LRP5: variants seen among roughly 807,000 people sequenced by gnomAD.
LRP5 encodes low-density lipoprotein receptor-related protein 5.
In LRP5, 62 loss-of-function variants were observed where a neutral mutation model predicts 154.1. That is an observed-to-expected ratio of 0.40 (90% CI 0.33 to 0.50). The LOEUF (loss-of-function observed/expected upper bound fraction) is 0.50, where lower values mean the gene tolerates loss of function less well. Ranked by LOEUF, LRP5 falls within the 20% of genes least tolerant of loss-of-function variation. The probability of loss-of-function intolerance (pLI) is 0.55; values close to 1 mark genes in which losing one functional copy is unlikely to be tolerated. For missense variants in LRP5, 1,915 were observed against 2,336.7 expected, an observed-to-expected ratio of 0.82 and a Z score of 3.72; for synonymous variants, 966 against 1,011.5, an observed-to-expected ratio of 0.96 and a Z score of 0.85.
rs1240909518 is a variant in LRP5, at chr11:68,413,299, C to T, written c.2504-390C>T. On this transcript the variant is annotated intron_variant, in intron 11 of 22. Transcript: ENST00000294304. This position sits in a 1 kb window ranked among gnomAD's most constrained non-coding sequence, Gnocchi z 5.1. ...TGTGCATTGCAGCCTGGCCGTCACT[C>T]CTCGGTACGTGTTTTGGACTTAAAC... is the stretch of plus-strand genomic sequence containing the variant. The T allele has an allele frequency of 5.3e-6, 2 of 374,508 alleles. No individual in the cohort carries two copies. Among genetic ancestry groups the T allele is most frequent in the Non-Finnish European group, 1.0e-5 (2 of 198,830 alleles). The allele number at this position is 374,508 out of a possible 1,614,324, so 23.2% of individuals were successfully genotyped here. A position where few individuals can be genotyped will look rare whatever the true frequency, so the allele number is the denominator to read the frequency against.
intron 2 of LRP5, among the ~76,000 whole-genome samples, chr11:68,355,692 A>G (rs1429275064): frequency 1.3e-5 from 2 of 152,124 alleles, no homozygotes; most frequent in Non-Finnish European, 2.9e-5. Flanking sequence ...TTGGCCAGAG[A>G]TCACGTAAGG....
chr11:68,299,946 A>G, the LRP5 span, among the ~76,000 whole-genome samples: 288 of 146,968 alleles, frequency 2.0e-3, 24 homozygotes, highest in Non-Finnish European at 3.4e-3. Context: ...TTGCCAGGTT[A>G]GAGTGGAGTG....
chr11:68,410,090 G>T lies in LRP5; in HGVS notation c.2268G>T (p.Val756=). The change falls in exon 10 of 23, where the codon GTG becomes GTT. Residue 756 remains valine, a synonymous_variant. Transcript: ENST00000294304. ...RLDGQFRQVL[V]WRDLDNPRSL... ...ACGGGCAGTTCCGGCAAGTCCTCGT[G>T]TGGAGGGACTTGGACAACCCGAGGT... is the stretch of plus-strand genomic sequence containing the variant. The T allele has an allele frequency of 6.2e-7, 1 of 1,614,058 alleles. No homozygotes were observed. The highest frequency in any genetic ancestry group is 8.5e-7 in the Non-Finnish European group (1 of 1,180,034).
chr11:68,309,232 CT>C (rs201481289), upstream of LRP5, among the ~76,000 whole-genome samples: 1 of 143,282 alleles, frequency 7.0e-6, no homozygotes, highest in African/African-American at 2.6e-5. Context: ...CTCATCTGGC[CT>C]TTTTTTTCTT....
At chr11:68,306,538 G>A in the LRP5 span, among the ~76,000 whole-genome samples, 4 of 152,132 alleles carry the variant, frequency 2.6e-5, no homozygotes, top group South Asian at 2.1e-4. Context: ...AATGACACCC[G>A]GGAAGACCCT....
At chr11:68,325,754 T>C (rs1329653671) in intron 1 of LRP5, among the ~76,000 whole-genome samples, 1 of 152,218 alleles carries the variant, frequency 6.6e-6, no homozygotes, top group Non-Finnish European at 1.5e-5. Context: ...GTCCTGCTCC[T>C]AGCTCTGCGG....
intron 5 of LRP5, among the ~76,000 whole-genome samples, chr11:68,377,070 G>C (rs1431871853): frequency 6.6e-6 from 1 of 152,248 alleles, no homozygotes; most frequent in East Asian, 1.9e-4. Context: ...AGGAGTTCGA[G>C]ACCAGCCTGG....
chr11:68,304,057 G>A, the LRP5 span, among the ~76,000 whole-genome samples: 1 of 152,216 alleles, frequency 6.6e-6, no homozygotes, highest in African/African-American at 2.4e-5. Context: ...CAATAACTGA[G>A]ACAATAGGAA....
chr11:68,360,641 T>G (rs1157069367), intron 3 of LRP5, among the ~76,000 whole-genome samples: 3 of 152,200 alleles, frequency 2.0e-5, no homozygotes, highest in Admixed American at 1.3e-4. Context: ...TGCTTCTGGC[T>G]GAGGCAGAGC....
intron 1 of LRP5, among the ~76,000 whole-genome samples, chr11:68,339,096 A>T (rs2098607381): frequency 6.7e-6 from 1 of 148,722 alleles, no homozygotes; most frequent in African/African-American, 2.5e-5. Flanking sequence ...CTGCTCTCAA[A>T]CTCCTGACCT....
intron 5 of LRP5, among the ~76,000 whole-genome samples, chr11:68,374,688 G>A (rs963348994): frequency 2.6e-5 from 4 of 151,852 alleles, no homozygotes; most frequent in Admixed American, 1.3e-4. Flanking sequence ...CTCAACCCCC[G>A]CCCCCTCCAC....
At chr11:68,377,967 C>T (rs184325892) in intron 5 of LRP5, among the ~76,000 whole-genome samples, 9 of 152,224 alleles carry the variant, frequency 5.9e-5, no homozygotes, top group Non-Finnish European at 1.0e-4. Context: ...GGGAGGCCTG[C>T]GGTGGGAGCC....
intron 7 of LRP5, among the ~76,000 whole-genome samples, chr11:68,391,485 G>A (rs776126870): frequency 6.6e-6 from 1 of 152,234 alleles, no homozygotes; most frequent in Non-Finnish European, 1.5e-5. Flanking sequence ...GCTCCCAGGG[G>A]AGGCCCGAAT....
intron 6 of LRP5, among the ~76,000 whole-genome samples, chr11:68,388,916 A>C (rs1402345749): frequency 3.9e-5 from 6 of 152,170 alleles, no homozygotes; most frequent in Non-Finnish European, 7.4e-5. Flanking sequence ...ACTTACTGAC[A>C]CCAGCATCTA....
upstream of LRP5, among the ~76,000 whole-genome samples, chr11:68,311,328 A>AT (rs2098587688): frequency 6.6e-6 from 1 of 151,948 alleles, no homozygotes; most frequent in South Asian, 2.1e-4. Context: ...TCATGGCCTG[A>AT]TGTGGTTCCT....
chr11:68,373,069 G>T (rs1429764391), intron 5 of LRP5, among the ~76,000 whole-genome samples: 1 of 152,144 alleles, frequency 6.6e-6, no homozygotes, highest in Non-Finnish European at 1.5e-5. Context: ...GGCAGGTTGT[G>T]GGGGGCGGCG....
chr11:68,445,557 T>C (rs2098680944), intron 21 of LRP5: 2 of 1,297,574 alleles, frequency 1.5e-6, no homozygotes, highest in Non-Finnish European at 2.0e-6. Context: ...ACAGTTCTGT[T>C]CCCATTATTC....
At chr11:68,367,115 C>T (rs1322844825) in intron 5 of LRP5, among the ~76,000 whole-genome samples, 1 of 152,150 alleles carries the variant, frequency 6.6e-6, no homozygotes, top group Non-Finnish European at 1.5e-5. Flanking sequence ...CGCTGTTGAC[C>T]GTTCACCTCG....
At chr11:68,301,770 C>T in the LRP5 span, among the ~76,000 whole-genome samples, 24 of 147,508 alleles carry the variant, frequency 1.6e-4, 2 homozygotes, top group African/African-American at 2.4e-4. Context: ...GGACTACAGG[C>T]GCCCGCCACC....
Sources: allele counts gnomAD v4.1 joint callset (sites outside exome capture counted in the v4.1 genomes callset), GRCh38; gene constraint gnomAD v4.1.1; non-coding constraint Gnocchi (gnomAD v3.1); transcripts MANE v1.5; gene names NCBI Gene and HGNC (gene_info 2026-07-23, HGNC 2026-07-21).